CCDC91: variants seen among roughly 807,000 people sequenced by gnomAD.
CCDC91 encodes the protein coiled-coil domain containing 91, also known as coiled-coil domain-containing protein 91.
In CCDC91, 48 loss-of-function variants were observed where a neutral mutation model predicts 63.2. The observed-to-expected ratio is 0.76, with a 90% CI of 0.60 to 0.97. CCDC91 has a LOEUF of 0.97. CCDC91 is among the 50% of genes least tolerant of loss of function. CCDC91 has a pLI of 0.00. For synonymous variants in CCDC91, 167 were observed against 165.8 expected, an observed-to-expected ratio of 1.01 and a Z score of -0.06; for missense variants, 500 against 494.6, an observed-to-expected ratio of 1.01 and a Z score of -0.10.
At chr12:28,471,694 A>G (rs184977050) in intron 11 of CCDC91, among the ~76,000 whole-genome samples, 2,253 of 101,234 alleles carry the variant, frequency 0.022, 61 homozygotes, top group African/African-American at 0.057. Context: ...TTAACTCATA[A>G]TAATTATTTA....
chr12:28,313,469 A>G (rs185126234), intron 6 of CCDC91, among the ~76,000 whole-genome samples: 22 of 152,012 alleles, frequency 1.4e-4, no homozygotes, highest in Admixed American at 5.2e-4. Flanking sequence ...TGGAAAATCT[A>G]CTCCTCTACT....
At chr12:28,521,249 G>A (rs1485395845) in intron 12 of CCDC91, among the ~76,000 whole-genome samples, 3 of 152,016 alleles carry the variant, frequency 2.0e-5, no homozygotes, top group African/African-American at 7.2e-5. Flanking sequence ...TCATTTCATT[G>A]AGCAGTGGTT....
At chr12:28,326,016 G>A (rs893403044) in intron 6 of CCDC91, among the ~76,000 whole-genome samples, 15 of 152,064 alleles carry the variant, frequency 9.9e-5, no homozygotes, top group African/African-American at 3.4e-4. Context: ...AACTTTATCA[G>A]CAAAAGTAGC....
intron 6 of CCDC91, among the ~76,000 whole-genome samples, chr12:28,336,994 C>T (rs1782136634): frequency 6.6e-6 from 1 of 152,004 alleles, no homozygotes; most frequent in Non-Finnish European, 1.5e-5. Flanking sequence ...ATAAAATTGT[C>T]AATAGCTCTG....
intron 1 of CCDC91, among the ~76,000 whole-genome samples, chr12:28,195,809 A>G (rs1941716640): frequency 6.6e-6 from 1 of 152,244 alleles, no homozygotes; most frequent in East Asian, 1.9e-4. Context: ...ATCCATTAAT[A>G]AAATACCTTT....
In CCDC91 at chr12:28,326,074, T is replaced by C. The variant is rs73083964; in HGVS notation, c.576+18325T>C. 1.1e-3 allele frequency among the ~76,000 whole-genome samples: 173 copies of C among 152,200 alleles called. 1 individual carries two copies. The highest frequency in any genetic ancestry group is 2.4e-3 in the African/African-American group (101 of 41,560). On this transcript the variant is annotated intron_variant, in intron 6 of 12. Transcript: ENST00000536442. Reference sequence around the variant, plus strand: ...AGGCATATATGCCTGGCCATATGCTTTGCTTCCAAAAAAAGTTTTTTTGTC... The same window carrying C: ...AGGCATATATGCCTGGCCATATGCTCTGCTTCCAAAAAAAGTTTTTTTGTC...
At chr12:28,465,429 A>G (rs1386211158) in intron 11 of CCDC91, among the ~76,000 whole-genome samples, 1 of 152,186 alleles carries the variant, frequency 6.6e-6, no homozygotes, top group Non-Finnish European at 1.5e-5. Context: ...CTGACCCAGC[A>G]CAGTCCTAGG....
chr12:28,352,193 A>G (rs967961669), intron 6 of CCDC91, among the ~76,000 whole-genome samples: 7 of 152,166 alleles, frequency 4.6e-5, no homozygotes, highest in African/African-American at 1.7e-4. Context: ...ATTGAGTCAT[A>G]ATCCTTTTGC....
intron 10 of CCDC91, 149 bp from the exon 11 acceptor site, chr12:28,452,329 A>G: frequency 2.3e-6 from 1 of 429,312 alleles, no homozygotes; most frequent in East Asian, 3.7e-5. Flanking sequence ...TTTATTTTGT[A>G]GCAGTTATTT....
chr12:28,373,415 C>T, intron 7 of CCDC91, among the ~76,000 whole-genome samples: 1 of 152,022 alleles, frequency 6.6e-6, no homozygotes, highest in South Asian at 2.1e-4. Context: ...TCTCCTACTT[C>T]TCTTTTCTCA....
intron 7 of CCDC91, among the ~76,000 whole-genome samples, chr12:28,377,067 T>C (rs909999786): frequency 2.1e-4 from 32 of 151,796 alleles, no homozygotes; most frequent in African/African-American, 7.2e-4. Flanking sequence ...GTTTTGCTAC[T>C]GTGTAAGGAA....
intron 1 of CCDC91, among the ~76,000 whole-genome samples, chr12:28,224,225 G>C (rs1318286100): frequency 6.6e-6 from 1 of 152,004 alleles, no homozygotes; most frequent in Non-Finnish European, 1.5e-5. Flanking sequence ...TAAGTCATGG[G>C]GTTTTATCCA....
intron 12 of CCDC91, among the ~76,000 whole-genome samples, chr12:28,489,867 C>T (rs1248766364): frequency 4.0e-5 from 6 of 151,864 alleles, no homozygotes; most frequent in African/African-American, 1.4e-4. Flanking sequence ...ACCAGTTACA[C>T]AGTTACTTGA....
At chr12:28,424,625 T>C (rs896038158) in intron 8 of CCDC91, among the ~76,000 whole-genome samples, 8 of 152,200 alleles carry the variant, frequency 5.3e-5, no homozygotes, top group Non-Finnish European at 1.5e-5. Flanking sequence ...GTTTTTCTTG[T>C]TAATTTTGAG....
intron 8 of CCDC91, among the ~76,000 whole-genome samples, chr12:28,413,117 T>C (rs1334819959): frequency 6.6e-6 from 1 of 152,202 alleles, no homozygotes; most frequent in Non-Finnish European, 1.5e-5. Flanking sequence ...AAAAATCGAC[T>C]GTTCTTTGTT....
At chr12:28,428,772 TATG>T in intron 8 of CCDC91, among the ~76,000 whole-genome samples, 2 of 152,086 alleles carry the variant, frequency 1.3e-5, no homozygotes, top group South Asian at 4.2e-4. Context: ...ATATTTAAAA[TATG>T]ATAATCTTTC....
chr12:28,218,727 G>A (rs1345211051), intron 1 of CCDC91, among the ~76,000 whole-genome samples: 2 of 150,314 alleles, frequency 1.3e-5, no homozygotes, highest in African/African-American at 2.5e-5. Flanking sequence ...GTGTGTGTGT[G>A]TGTATGTATG....
intron 8 of CCDC91, among the ~76,000 whole-genome samples, chr12:28,440,300 GGTAA>G (rs1210557141): frequency 1.3e-5 from 2 of 152,126 alleles, no homozygotes; most frequent in African/African-American, 4.8e-5. Flanking sequence ...TAGGTATGAT[GGTAA>G]GTAATTATTG....
At chr12:28,358,723 G>T (rs1943677829) in intron 6 of CCDC91, among the ~76,000 whole-genome samples, 1 of 152,158 alleles carries the variant, frequency 6.6e-6, no homozygotes, top group African/African-American at 2.4e-5. Flanking sequence ...ATATTGATCA[G>T]TGGTGTACTA....
Sources: gnomAD v4.1 joint callset for allele counts (sites outside exome capture counted in the v4.1 genomes callset) on GRCh38, gnomAD v4.1.1 for gene constraint, MANE v1.5 for transcripts, NCBI Gene and HGNC (gene_info 2026-07-23, HGNC 2026-07-21) for gene names.